Variants in CKAP2L observed in about 807,000 individuals in gnomAD.
CKAP2L encodes cytoskeleton-associated protein 2-like.
In CKAP2L, 42 loss-of-function variants were observed where a neutral mutation model predicts 65.7. The observed-to-expected ratio is 0.64, with a 90% CI of 0.50 to 0.83. The LOEUF is 0.83. Among genes scored for constraint, CKAP2L ranks in the 40% least tolerant of loss-of-function variants. The pLI, the probability that CKAP2L is intolerant of heterozygous loss-of-function variation, is 0.00. For synonymous variants in CKAP2L, 325 were observed against 313.5 expected (o/e 1.04, Z -0.39); for missense variants, 908 against 871.0 (o/e 1.04, Z -0.53).
Position 112,752,492 on chromosome 2 carries a change from G to A in CKAP2L, c.1395-18C>T. 1.3e-6 allele frequency: 2 copies of A among 1,497,630 alleles called. No homozygotes were observed. Among genetic ancestry groups the A allele is most frequent in the South Asian group, 2.4e-5 (2 of 84,224 alleles). 92.8% of individuals were successfully genotyped at this position (1,497,630 alleles called of 1,614,324 possible). Reference sequence around the variant, plus strand: ...GTTGTTTCCTGAAATTCAATTAAAGGGAGAGTGGTTTTATTTATTTTTAAA... The same window carrying A: ...GTTGTTTCCTGAAATTCAATTAAAGAGAGAGTGGTTTTATTTATTTTTAAA... On this transcript the variant is annotated intron_variant, in intron 4 of 8. Transcript: ENST00000302450.
Position 112,757,140 on chromosome 2 carries a change from T to A in CKAP2L, c.231A>T (p.Lys77Asn). The change falls in exon 4 of 9, where the codon AAA (lysine) becomes AAT (asparagine). Residue 77 changes from lysine (K) to asparagine (N), a missense_variant. Transcript: ENST00000302450. Reference sequence around the variant, plus strand: ...CAGTATTAGGTGGTCTGGGCTGGAGTTTAATGCTGATGGACCTTTTAGGTT... The same window carrying A: ...CAGTATTAGGTGGTCTGGGCTGGAGATTAATGCTGATGGACCTTTTAGGTT... The part of the protein sequence containing the change: ...PVKPKRSISI[K>N]LQPRPPNTAG... 6.2e-7 allele frequency: 1 copy of A among 1,614,068 alleles called. No individual in the cohort carries two copies. Among genetic ancestry groups the A allele is most frequent in the South Asian group, 1.1e-5 (1 of 91,076 alleles).
In CKAP2L at chr2:112,756,978, T is replaced by C. The variant is rs1440160279; in HGVS notation, c.393A>G (p.Thr131=). 4.3e-6 allele frequency: 7 copies of C among 1,614,130 alleles called. No individual in the cohort carries two copies. Among genetic ancestry groups the C allele is most frequent in the African/African-American group, 1.3e-5 (1 of 74,942 alleles). The change falls in exon 4 of 9, where the codon ACA becomes ACG. Residue 131 remains threonine, a synonymous_variant. Transcript: ENST00000302450. ...CCACAGGTTTTCTTGACAGTTCTCC[T>C]GTTGTGGACGATCCAGCTTCACACT... is the stretch of plus-strand genomic sequence containing the variant. ...FQQCEAGSST[T]GELSRKPVGS...
At chr2:112,744,499 G>A (rs1680137531) in intron 6 of CKAP2L, among the ~76,000 whole-genome samples, 1 of 152,182 alleles carries the variant, frequency 6.6e-6, no homozygotes, top group Admixed American at 6.5e-5. Flanking sequence ...CCTAGTAACT[G>A]TGTCTGACTC....
At chr2:112,761,973 A>G (rs1466143298) in intron 2 of CKAP2L, among the ~76,000 whole-genome samples, 2 of 152,252 alleles carry the variant, frequency 1.3e-5, no homozygotes, top group African/African-American at 4.8e-5. Flanking sequence ...AATTAATGCT[A>G]AGAAAGGACA....
At chr2:112,757,684 C>G (rs530694919) in intron 3 of CKAP2L, among the ~76,000 whole-genome samples, 1 of 152,178 alleles carries the variant, frequency 6.6e-6, no homozygotes, top group Admixed American at 6.5e-5. Context: ...GCCACCACAC[C>G]TGTCCTAACA....
In CKAP2L at chr2:112,746,519, T is replaced by G; in HGVS notation, c.1659A>C (p.Lys553Asn). Residue 553 changes from lysine (K) to asparagine (N), a missense_variant, in exon 6 of 9, where the codon AAA (lysine) becomes AAC (asparagine). By Grantham distance (94) the Lys-to-Asn change is moderately conservative (BLOSUM62 0). Coordinates refer to ENST00000302450, the MANE Select transcript of CKAP2L (RefSeq NM_152515.5). Reference protein sequence around the residue: ...NILSSIPEAEKFAKFWICKAK... With the variant: ...NILSSIPEAENFAKFWICKAK... ...CTTTGCAGATCCAGAATTTAGCAAA[T>G]TTTTCAGCTTCAGGAATGCTGGACA... 1 of 1,613,324 alleles carries G rather than the reference T, an allele frequency of 6.2e-7. No individual in the cohort carries two copies. Among genetic ancestry groups the G allele is most frequent in the Non-Finnish European group, 8.5e-7 (1 of 1,179,436 alleles).
chr2:112,754,434 T>A (rs185196981), intron 4 of CKAP2L, among the ~76,000 whole-genome samples: 2 of 152,252 alleles, frequency 1.3e-5, no homozygotes. Context: ...GCTTCCTCCA[T>A]GTTCCTAGCA....
chr2:112,753,195 T>C (rs973980796), intron 4 of CKAP2L, among the ~76,000 whole-genome samples: 2 of 152,188 alleles, frequency 1.3e-5, no homozygotes, highest in African/African-American at 4.8e-5. Context: ...AGTCCAGATC[T>C]CTCCCTGGAT....
chr2:112,757,397 T>G (rs1337109290), intron 3 of CKAP2L, among the ~76,000 whole-genome samples, 183 bp from the exon 4 acceptor site: 3 of 147,522 alleles, frequency 2.0e-5, no homozygotes, highest in Non-Finnish European at 3.0e-5. Flanking sequence ...TTTTTTTTTT[T>G]TTTTTTTTTT....
chr2:112,758,151 A>C (rs1273280395), intron 3 of CKAP2L, among the ~76,000 whole-genome samples: 1 of 152,224 alleles, frequency 6.6e-6, no homozygotes, highest in East Asian at 1.9e-4. Flanking sequence ...AGTCTATGTT[A>C]ATAATAAACA....
chr2:112,741,047 AT>A, intron 7 of CKAP2L, 40 bp from the exon 8 acceptor site: 1 of 1,340,628 alleles, frequency 7.5e-7, no homozygotes, highest in South Asian at 1.2e-5. Context: ...AGATTTACCA[AT>A]TTAATACTTC....
At chr2:112,742,840 C>G in intron 6 of CKAP2L, 71 bp from the exon 7 acceptor site, 1 of 954,870 alleles carries the variant, frequency 1.0e-6, no homozygotes, top group Non-Finnish European at 1.6e-6. Flanking sequence ...GGAACTTTAA[C>G]TTCAAATACA....
chr2:112,745,489 C>T (rs1057260094), intron 6 of CKAP2L, among the ~76,000 whole-genome samples: 2 of 151,828 alleles, frequency 1.3e-5, no homozygotes, highest in Non-Finnish European at 1.5e-5. Flanking sequence ...ATGCCATTCT[C>T]CTGCCTCAGC....
Position 112,737,520 on chromosome 2 carries a change from T to C in CKAP2L, c.*1303A>G, listed in dbSNP as rs981511201. ...ATCTATACCTACTGGCCATTTCTTA[T>C]GTCTTCTTTGGAGAAATGTCTGCTC... On this transcript the variant is annotated 3_prime_UTR_variant, in exon 9 of 9. Coordinates refer to ENST00000302450, the MANE Select transcript of CKAP2L (RefSeq NM_152515.5). The C allele has an allele frequency of 6.6e-6, 1 of 152,220 alleles. No homozygotes were observed. The highest frequency in any genetic ancestry group is 6.5e-5 in the Admixed American group (1 of 15,280). 9.4% of individuals were successfully genotyped at this position (152,220 alleles called of 1,614,324 possible).
chr2:112,753,814 C>A, intron 4 of CKAP2L, among the ~76,000 whole-genome samples: 1 of 152,154 alleles, frequency 6.6e-6, no homozygotes, highest in Non-Finnish European at 1.5e-5. Context: ...AGGCGTGAAC[C>A]ATTGTACCCT....
At chr2:112,747,195 A>G (rs963720829) in intron 5 of CKAP2L, among the ~76,000 whole-genome samples, 1 of 151,994 alleles carries the variant, frequency 6.6e-6, no homozygotes, top group African/African-American at 2.4e-5. Context: ...GGATCAAGCA[A>G]TCCTCCCACC....
chr2:112,759,255 G>T (rs1166571438), intron 3 of CKAP2L, among the ~76,000 whole-genome samples: 3 of 151,974 alleles, frequency 2.0e-5, no homozygotes, highest in Non-Finnish European at 4.4e-5. Context: ...AAAGTGTCCT[G>T]GTTTGGACAT....
intron 4 of CKAP2L, among the ~76,000 whole-genome samples, chr2:112,753,526 CTTTTTTTTTTTTTTT>C (rs59027525): frequency 3.0e-5 from 3 of 100,396 alleles, no homozygotes; most frequent in Admixed American, 1.2e-4. Flanking sequence ...AGTTTCTTTT[CTTTTTTTTTTTTTTT>C]TTTTTTGAGA....
At position 112,762,967 on chromosome 2, in the gene CKAP2L, G is replaced by T. The variant is rs565633126; in HGVS notation, c.38-398C>A. ...CTGGATAATTTTAAAAAAATTTTTT[G>T]TAGAGACAGGATCTCACTATGTTGC... On this transcript the variant is annotated intron_variant, in intron 1 of 8. Coordinates refer to ENST00000302450, the MANE Select transcript of CKAP2L (RefSeq NM_152515.5). 3.3e-5 allele frequency among the ~76,000 whole-genome samples: 5 copies of T among 152,132 alleles called. No homozygotes were observed. The East Asian group carries it at 9.7e-4, about 29-fold the overall frequency.
Sources: allele counts gnomAD v4.1 joint callset (sites outside exome capture counted in the v4.1 genomes callset), GRCh38; gene constraint gnomAD v4.1.1; transcripts MANE v1.5; gene names NCBI Gene and HGNC (gene_info 2026-07-23, HGNC 2026-07-21).